The following CCDC40 variants were observed in gnomAD, a reference collection of about 807,000 sequenced individuals.
CCDC40 encodes coiled-coil domain 40 molecular ruler complex subunit.
CCDC40 carries 104 observed loss-of-function variants against 124.5 expected under a neutral mutation model. The observed-to-expected ratio is 0.84, with a 90% CI of 0.71 to 0.98. The LOEUF is 0.98. Among genes scored for constraint, CCDC40 ranks in the 50% least tolerant of loss-of-function variants. The pLI is 0.00. For synonymous variants in CCDC40, 580 were observed against 602.9 expected, an observed-to-expected ratio of 0.96 and a Z score of 0.56; for missense variants, 1,463 against 1,503.9, an observed-to-expected ratio of 0.97 and a Z score of 0.45.
At chr17:80,093,782 G>A (rs569514113) in intron 17 of CCDC40, among the ~76,000 whole-genome samples, 1 of 152,232 alleles carries the variant, frequency 6.6e-6, no homozygotes, top group African/African-American at 2.4e-5. Context: ...CCAAAGTGCT[G>A]GGATTACAGG....
chr17:80,081,471 G>C, intron 10 of CCDC40, 75 bp from the exon 11 acceptor site: 19 of 1,593,736 alleles, frequency 1.2e-5, no homozygotes, highest in Non-Finnish European at 1.5e-5. Flanking sequence ...GAGCTCCCTC[G>C]TGTGGGGCGC....
intron 7 of CCDC40, among the ~76,000 whole-genome samples, chr17:80,057,547 G>A (rs754679612): frequency 5.5e-4 from 83 of 152,250 alleles, no homozygotes; most frequent in Non-Finnish European, 1.1e-3. Context: ...TGACCCACGT[G>A]TAGCTCCCTC....
intron 10 of CCDC40, among the ~76,000 whole-genome samples, chr17:80,072,135 C>T (rs2038206821): frequency 6.6e-6 from 1 of 152,134 alleles, no homozygotes; most frequent in Admixed American, 6.6e-5. Flanking sequence ...GCCACGGCAC[C>T]AGCCTGCATT....
intron 18 of CCDC40, among the ~76,000 whole-genome samples, chr17:80,095,915 G>A (rs1478798434): frequency 6.6e-6 from 1 of 152,230 alleles, no homozygotes; most frequent in Non-Finnish European, 1.5e-5. Flanking sequence ...TGGGAGCGGG[G>A]TGGGCGCCTC....
intron 3 of CCDC40, among the ~76,000 whole-genome samples, chr17:80,042,737 G>C (rs1363145451): frequency 2.6e-5 from 4 of 152,132 alleles, no homozygotes; most frequent in Non-Finnish European, 5.9e-5. Flanking sequence ...GTCTTGCCCT[G>C]ATCTTACAGG....
chr17:80,049,766 C>A (rs2037530400), intron 5 of CCDC40, 140 bp from the exon 6 acceptor site: 1 of 731,754 alleles, frequency 1.4e-6, no homozygotes, highest in Non-Finnish European at 2.5e-6. Flanking sequence ...AGTAAGAATC[C>A]CAAGCAGAAG....
At chr17:80,072,796 A>G (rs1029194213) in intron 10 of CCDC40, among the ~76,000 whole-genome samples, 8 of 152,292 alleles carry the variant, frequency 5.3e-5, no homozygotes, top group South Asian at 2.1e-4. Context: ...TTGCACGGAT[A>G]CATCAGATGT....
At chr17:80,040,844 G>C (rs2143580380) in intron 3 of CCDC40, among the ~76,000 whole-genome samples, 1 of 152,244 alleles carries the variant, frequency 6.6e-6, no homozygotes, top group African/African-American at 2.4e-5. Flanking sequence ...CAGGCTTCCA[G>C]AGCAGCATTG....
rs1315425927 is a variant in CCDC40, at chr17:80,044,700, AACAAAC to A, written c.553-2577_553-2572del. 1.2e-3 allele frequency among the ~76,000 whole-genome samples: 45 copies of A among 37,290 alleles called. 3 individuals carry two copies. Among genetic ancestry groups the A allele is most frequent in the African/African-American group, 3.5e-3 (42 of 11,854 alleles). 24.5% of individuals were successfully genotyped at this position (37,290 alleles called of 152,430 possible). A position where few individuals can be genotyped will look rare whatever the true frequency, so the allele number is the denominator to read the frequency against. ...CCCATCTCAAAAACAAAACAAAACA[AACAAAC>A]AAAAAAAAAAATATATATATATATA... On this transcript the variant is annotated intron_variant, in intron 3 of 19. Coordinates refer to ENST00000397545, the MANE Select transcript of CCDC40 (RefSeq NM_017950.4).
chr17:80,082,391 C>A (rs1177315488), intron 12 of CCDC40, among the ~76,000 whole-genome samples: 1 of 150,938 alleles, frequency 6.6e-6, no homozygotes, highest in Non-Finnish European at 1.5e-5. Context: ...TATCCTTTAT[C>A]ACCTGTGGTG....
At chr17:80,096,119 G>C (rs1411021495) in intron 18 of CCDC40, among the ~76,000 whole-genome samples, 1 of 152,236 alleles carries the variant, frequency 6.6e-6, no homozygotes, top group Non-Finnish European at 1.5e-5. Flanking sequence ...CAGACCTGCA[G>C]GGCCTCGTCT....
At chr17:80,083,703 A>AC (rs902416816) in intron 12 of CCDC40, among the ~76,000 whole-genome samples, 2 of 151,934 alleles carry the variant, frequency 1.3e-5, no homozygotes, top group African/African-American at 2.4e-5. Context: ...CTCTCGATAA[A>AC]CCCCCCGTTG....
rs2038464137 is a variant in CCDC40 at position 80,082,050 on chromosome 17, A to G, written c.1981A>G (p.Thr661Ala). ...CATCCTGAGGCTGCAGAAGGAGAAG[A>G]CCAACATGGTAGGCCCCTGCCCCAG... is the stretch of plus-strand genomic sequence containing the variant. Reference protein sequence around the residue: ...QLILRLQKEKTNMMTHLSKIN... With the variant: ...QLILRLQKEKANMMTHLSKIN... The change falls in exon 12 of 20, where the codon ACC becomes GCC. Residue 661 changes from threonine to alanine, a missense_variant. Thr to Ala is a moderately conservative substitution (Grantham distance 58). Transcript: ENST00000397545. The G allele has an allele frequency of 6.2e-7, 1 of 1,612,768 alleles. No homozygotes were observed. The highest frequency in any genetic ancestry group is 1.3e-5 in the African/African-American group (1 of 74,476).
At position 80,050,164 on chromosome 17, in the gene CCDC40, A is replaced by C; in HGVS notation, c.1040A>C (p.Lys347Thr). The change falls in exon 7 of 20, where the codon AAG (lysine) becomes ACG (threonine). Residue 347 changes from lysine (K) to threonine (T), a missense_variant. Coordinates refer to ENST00000397545, the MANE Select transcript of CCDC40 (RefSeq NM_017950.4). The part of the protein sequence containing the change: ...HLVHLQKLLE[K>T]SHDRHAMASS... ...GTACACCTGCAGAAGCTGCTGGAGA[A>C]GAGTCACGACCGCCACGCAATGGCC... 1 of 1,613,594 alleles carries C rather than the reference A, an allele frequency of 6.2e-7. No homozygotes were observed. Among genetic ancestry groups the C allele is most frequent in the Non-Finnish European group, 8.5e-7 (1 of 1,179,990 alleles).
intron 4 of CCDC40, among the ~76,000 whole-genome samples, chr17:80,048,168 G>A (rs2037479254): frequency 6.6e-6 from 1 of 152,156 alleles, no homozygotes. Context: ...GCTGAGGCAG[G>A]AGAATCGCTT....
At chr17:80,062,837 C>T (rs572671776) in intron 9 of CCDC40, among the ~76,000 whole-genome samples, 190 of 152,264 alleles carry the variant, frequency 1.2e-3, no homozygotes, top group African/African-American at 4.3e-3. Context: ...GTAATCCCCC[C>T]GCCTCAGCCT....
rs1185836467 is a variant in CCDC40 at position 80,086,439 on chromosome 17, A to G, written c.2449+223A>G. 3 of 538,044 alleles carry G rather than the reference A, an allele frequency of 5.6e-6. No individual in the cohort carries two copies. The highest frequency in any genetic ancestry group is 1.0e-5 in the Non-Finnish European group (3 of 296,666). The allele number at this position is 538,044 out of a possible 1,614,324, so 33.3% of individuals were successfully genotyped here. On this transcript the variant is annotated intron_variant, in intron 14 of 19. Transcript: ENST00000397545. This position sits in a 1 kb window ranked among gnomAD's most constrained non-coding sequence, Gnocchi z 5.5. ...GCGGGAGGGTTGAGAAATGTCACGA[A>G]ATGGCTCCAAGCTCACGGACTTCAG...
intron 9 of CCDC40, 52 bp downstream of exon 9, chr17:80,059,032 C>T (rs781030535): frequency 1.5e-4 from 247 of 1,609,870 alleles, no homozygotes; most frequent in Middle Eastern, 3.3e-4. Flanking sequence ...TGAGTGTCCA[C>T]GCACAGGGTG....
chr17:80,078,624 TC>T (rs2038370221), intron 10 of CCDC40, among the ~76,000 whole-genome samples: 1 of 152,196 alleles, frequency 6.6e-6, no homozygotes, highest in Admixed American at 6.6e-5. Flanking sequence ...TCTATTCTGT[TC>T]CGTTGATCTT....
Sources: gnomAD v4.1 joint callset for allele counts (sites outside exome capture counted in the v4.1 genomes callset) on GRCh38, gnomAD v4.1.1 for gene constraint, Gnocchi (gnomAD v3.1) non-coding constraint, MANE v1.5 for transcripts, NCBI Gene and HGNC (gene_info 2026-07-23, HGNC 2026-07-21) for gene names.